Variants in RALYL observed in about 807,000 individuals in gnomAD.
RALYL encodes the protein RALY RNA binding protein like, also known as RNA-binding Raly-like protein.
RALYL carries 29 observed loss-of-function variants against 35.1 expected under a neutral mutation model. That is an observed-to-expected ratio of 0.83 (90% CI 0.61 to 1.13). The LOEUF is 1.13. Ranked by LOEUF, RALYL falls within the 50% of genes most tolerant of loss-of-function variation. The pLI, the probability that RALYL is intolerant of heterozygous loss-of-function variation, is 0.00. For missense variants in RALYL, 359 were observed against 360.4 expected (o/e 1.00, Z 0.03); for synonymous variants, 120 against 127.6 (o/e 0.94, Z 0.40).
At chr8:84,759,906 T>C (rs1389079046) in intron 2 of RALYL, among the ~76,000 whole-genome samples, 3 of 152,174 alleles carry the variant, frequency 2.0e-5, no homozygotes, top group African/African-American at 7.2e-5. Context: ...AAACATAGTC[T>C]AGACCTCCAC....
intron 2 of RALYL, among the ~76,000 whole-genome samples, chr8:84,610,763 T>A (rs1396552546): frequency 1.3e-5 from 2 of 152,168 alleles, no homozygotes; most frequent in Non-Finnish European, 2.9e-5. Context: ...TGGGGGTTAT[T>A]AGCCATGATA....
intron 2 of RALYL, among the ~76,000 whole-genome samples, chr8:84,650,806 A>G (rs1828612041): frequency 6.6e-6 from 1 of 152,004 alleles, no homozygotes; most frequent in Admixed American, 6.6e-5. Context: ...ACAATAGCAA[A>G]GACTTGGAAC....
chr8:84,407,018 C>CTCTA (rs1441765212), intron 1 of RALYL, among the ~76,000 whole-genome samples: 61 of 148,204 alleles, frequency 4.1e-4, no homozygotes, highest in Middle Eastern at 3.5e-3. Context: ...CTCTCTCTCT[C>CTCTA]TATATATATA....
At chr8:84,456,935 G>A (rs1048514492) in intron 1 of RALYL, among the ~76,000 whole-genome samples, 5 of 151,834 alleles carry the variant, frequency 3.3e-5, no homozygotes, top group Non-Finnish European at 5.9e-5. Context: ...TTTAGGAGTC[G>A]CTTTGAGCAT....
chr8:84,288,411 A>G (rs984241490), intron 1 of RALYL, among the ~76,000 whole-genome samples: 1 of 152,134 alleles, frequency 6.6e-6, no homozygotes, highest in African/African-American at 2.4e-5. Context: ...CTTCAGTTGT[A>G]TCTATTCAAA....
chr8:84,814,666 C>T (rs1826755285), intron 4 of RALYL, among the ~76,000 whole-genome samples: 1 of 152,038 alleles, frequency 6.6e-6, no homozygotes, highest in Non-Finnish European at 1.5e-5. Flanking sequence ...GAAGTTATTT[C>T]CTTACTGAGA....
At position 84,700,891 on chromosome 8, in the gene RALYL, TG is replaced by T. The variant is rs1397706120; in HGVS notation, c.257-73684del. Among the ~76,000 whole-genome samples, 3 of 152,272 alleles carry T rather than the reference TG, an allele frequency of 2.0e-5. No individual in the cohort carries two copies. In the East Asian group the frequency reaches 5.8e-4, roughly 29 times the overall value. ...TGAAAAGATGGGTTGGTGATTGTGC[TG>T]GGGTTGAAAATTATTTGGTTGTTAT... On this transcript the variant is annotated intron_variant, in intron 2 of 8. Coordinates refer to ENST00000521268, the MANE Select transcript of RALYL (RefSeq NM_173848.7).
At chr8:84,393,215 C>T (rs1861092787) in intron 1 of RALYL, among the ~76,000 whole-genome samples, 1 of 152,052 alleles carries the variant, frequency 6.6e-6, no homozygotes, top group South Asian at 2.1e-4. Flanking sequence ...GGCCTGGGAT[C>T]TCATCTGAAA....
intron 2 of RALYL, among the ~76,000 whole-genome samples, chr8:84,728,391 A>T (rs1361430511): frequency 5.9e-5 from 9 of 151,680 alleles, no homozygotes; most frequent in African/African-American, 4.8e-5. Flanking sequence ...GTCAGATGAG[A>T]AGGTTGCGAA....
intron 1 of RALYL, among the ~76,000 whole-genome samples, chr8:84,233,081 C>T (rs1438832336): frequency 6.6e-6 from 1 of 152,044 alleles, no homozygotes; most frequent in Non-Finnish European, 1.5e-5. Context: ...CCCCTGGGCT[C>T]AAACGATCCA....
intron 1 of RALYL, among the ~76,000 whole-genome samples, chr8:84,388,761 G>A (rs952798801): frequency 1.2e-4 from 18 of 152,002 alleles, no homozygotes; most frequent in African/African-American, 3.4e-4. Flanking sequence ...CAGATGAGTA[G>A]GTTGTGAAGA....
chr8:84,381,298 G>A (rs140438990), intron 1 of RALYL, among the ~76,000 whole-genome samples: 2,580 of 151,888 alleles, frequency 0.017, 72 homozygotes, highest in African/African-American at 0.059. Flanking sequence ...TGTGAATTGT[G>A]TATGTGTGTA....
intron 1 of RALYL, among the ~76,000 whole-genome samples, chr8:84,482,901 T>C (rs2054196952): frequency 6.6e-6 from 1 of 152,098 alleles, no homozygotes; most frequent in Non-Finnish European, 1.5e-5. Context: ...TAAAGTCCTA[T>C]ATAGCCATGA....
At chr8:84,751,339 C>T (rs1343418438) in intron 2 of RALYL, among the ~76,000 whole-genome samples, 3 of 152,130 alleles carry the variant, frequency 2.0e-5, no homozygotes, top group Non-Finnish European at 4.4e-5. Context: ...TCCCAAGTAG[C>T]TGGGATTATA....
At chr8:84,250,675 CA>C (rs1830009349) in intron 1 of RALYL, among the ~76,000 whole-genome samples, 1 of 152,190 alleles carries the variant, frequency 6.6e-6, no homozygotes, top group Non-Finnish European at 1.5e-5. Context: ...TGAATTGCTT[CA>C]AAAAATTATA....
chr8:84,752,836 A>G (rs776736623), intron 2 of RALYL, among the ~76,000 whole-genome samples: 2 of 152,208 alleles, frequency 1.3e-5, no homozygotes, highest in Non-Finnish European at 2.9e-5. Context: ...GGATGTATGG[A>G]AAAGCCTGGA....
intron 1 of RALYL, among the ~76,000 whole-genome samples, chr8:84,464,291 G>T (rs183897929): frequency 6.6e-6 from 1 of 151,130 alleles, no homozygotes; most frequent in Non-Finnish European, 1.5e-5. Context: ...TCCCTCCCCC[G>T]TACCCCTACC....
chr8:84,591,957 C>T (rs553088953), intron 2 of RALYL, among the ~76,000 whole-genome samples: 2 of 152,166 alleles, frequency 1.3e-5, no homozygotes, highest in South Asian at 2.1e-4. Flanking sequence ...CCATCTTCAC[C>T]ATAGCTCTTT....
intron 5 of RALYL, among the ~76,000 whole-genome samples, chr8:84,854,787 G>T (rs1836638726): frequency 6.6e-6 from 1 of 152,220 alleles, no homozygotes; most frequent in Non-Finnish European, 1.5e-5. Context: ...AACAAAGGAA[G>T]ATTTGGGGTC....
Sources: gnomAD v4.1 joint callset for allele counts (sites outside exome capture counted in the v4.1 genomes callset) on GRCh38, gnomAD v4.1.1 for gene constraint, MANE v1.5 for transcripts, NCBI Gene and HGNC (gene_info 2026-07-23, HGNC 2026-07-21) for gene names.